Variants in NOP9 observed in about 807,000 individuals in gnomAD.
NOP9 encodes NOP9 nucleolar protein.
A neutral mutation model predicts 63.0 loss-of-function variants in NOP9; 50 were observed. The observed-to-expected ratio is 0.79, with a 90% CI of 0.63 to 1.00. The LOEUF (loss-of-function observed/expected upper bound fraction) is 1.00, where lower values mean the gene tolerates loss of function less well. Ranked by LOEUF, NOP9 falls within the 50% of genes least tolerant of loss-of-function variation. NOP9 has a pLI of 0.00. For synonymous variants in NOP9, 343 were observed against 332.8 expected, an observed-to-expected ratio of 1.03 and a Z score of -0.33; for missense variants, 758 against 803.0, an observed-to-expected ratio of 0.94 and a Z score of 0.68.
chr14:24,304,580 G>C lies in NOP9; in HGVS notation c.1735G>C (p.Glu579Gln). The change falls in exon 9 of 10, where the codon GAA becomes CAA. Residue 579 changes from glutamate (E) to glutamine (Q), a missense_variant. By Grantham distance (29) the Glu-to-Gln change is conservative. Coordinates refer to ENST00000267425, the MANE Select transcript of NOP9 (RefSeq NM_174913.3). ...WSGAALRARK[E>Q]IAAELGEQNQ... ...TGGAGCAGCCTTGAGGGCCCGGAAGGAAATTGCTGCTGAGCTTGGTGAGTA... is the reference window on the plus strand; with the variant it reads ...TGGAGCAGCCTTGAGGGCCCGGAAGCAAATTGCTGCTGAGCTTGGTGAGTA... 1.9e-6 allele frequency: 3 copies of C among 1,611,398 alleles called. No homozygotes were observed. The highest frequency in any genetic ancestry group is 2.5e-6 in the Non-Finnish European group (3 of 1,179,082).
chr14:24,291,126 C>T, the NOP9 span: 7 of 1,614,078 alleles, frequency 4.3e-6, no homozygotes, highest in Non-Finnish European at 5.9e-6. Flanking sequence ...GACTGCTGTG[C>T]CAGGGTCCTC....
chr14:24,295,506 CAG>C (rs1427028400), upstream of NOP9, among the ~76,000 whole-genome samples: 6 of 152,258 alleles, frequency 3.9e-5, no homozygotes, highest in East Asian at 9.6e-4. Context: ...GGGGGGCTGT[CAG>C]GGGCTCATCA....
upstream of NOP9, chr14:24,299,575 G>A (rs1421525286): frequency 8.1e-6 from 2 of 245,936 alleles, no homozygotes; most frequent in Non-Finnish European, 1.6e-5. Context: ...AGCGTGCGCC[G>A]CTTACCTGCC....
At position 24,307,806 on chromosome 14, in the gene NOP9, G is replaced by T. The variant is rs768905516; in HGVS notation, c.*2711G>T. 7.0e-5 allele frequency: 112 copies of T among 1,591,386 alleles called. No individual in the cohort carries two copies. Among genetic ancestry groups the T allele is most frequent in the Non-Finnish European group, 9.5e-5 (111 of 1,168,248 alleles). The stretch of plus-strand genomic sequence containing the variant: ...CTAAAGGTGGAGGGTAGAGCGGAGG[G>T]TTAGCAGTCACCTGAGTAAGTCACT... On this transcript the variant is annotated 3_prime_UTR_variant, in exon 10 of 10. Coordinates refer to ENST00000267425, the MANE Select transcript of NOP9 (RefSeq NM_174913.3).
chr14:24,282,299 G>A, the NOP9 span, among the ~76,000 whole-genome samples: 23 of 152,312 alleles, frequency 1.5e-4, no homozygotes, highest in East Asian at 3.9e-3. Context: ...CCAGACTCTC[G>A]CTGTAAAGCC....
chr14:24,271,323 A>G, the NOP9 span: 1 of 516,278 alleles, frequency 1.9e-6, no homozygotes, highest in Non-Finnish European at 3.2e-6. Flanking sequence ...GAGCACCCGG[A>G]CTAGGACTTC....
In NOP9 at chr14:24,303,111, A is replaced by T; in HGVS notation, c.1181A>T (p.Glu394Val). The change falls in exon 6 of 10, where the codon GAA becomes GTA. Residue 394 changes from glutamate (E) to valine (V), a missense_variant. Physicochemically the swap from Glu to Val is moderately radical, Grantham distance 121 (BLOSUM62 -2). Coordinates refer to ENST00000267425, the MANE Select transcript of NOP9 (RefSeq NM_174913.3). ...PVFEELSPVLEAVLAQGHPGV... is the reference protein window; with the variant it reads ...PVFEELSPVLVAVLAQGHPGV... ...TTTGAGGAGCTGAGCCCTGTCTTGG[A>T]AGCTGTATTGGCCCAGGGCCACCCA... The T allele has an allele frequency of 6.3e-7, 1 of 1,593,398 alleles. No individual in the cohort carries two copies. The highest frequency in any genetic ancestry group is 8.5e-7 in the Non-Finnish European group (1 of 1,171,736).
upstream of NOP9, among the ~76,000 whole-genome samples, chr14:24,297,441 G>A (rs1566405706): frequency 6.6e-6 from 1 of 152,210 alleles, no homozygotes; most frequent in Admixed American, 6.5e-5. Context: ...AGAGGAAGAA[G>A]AGTCCTTTAT....
At chr14:24,299,564 G>A (rs886588070), upstream of NOP9, 1 of 234,768 alleles carries the variant, frequency 4.3e-6, no homozygotes, top group East Asian at 9.0e-5. Context: ...TAAGTGGGAC[G>A]AGCGTGCGCC....
At chr14:24,288,952 C>T in the NOP9 span, among the ~76,000 whole-genome samples, 1 of 151,610 alleles carries the variant, frequency 6.6e-6, no homozygotes, top group Non-Finnish European at 1.5e-5. Context: ...TAGGTGGGAC[C>T]ACAGGTGCAT....
chr14:24,292,707 G>A, the NOP9 span: 97 of 1,614,114 alleles, frequency 6.0e-5, no homozygotes, highest in South Asian at 8.9e-4. Context: ...GCTTCCTGGG[G>A]AGGAGATGAC....
chr14:24,276,919 A>G, the NOP9 span, among the ~76,000 whole-genome samples: 1 of 152,180 alleles, frequency 6.6e-6, no homozygotes, highest in Admixed American at 6.5e-5. Flanking sequence ...GGTATGGGTA[A>G]AAGGTTTAGT....
Position 24,299,925 on chromosome 14 carries a change from T to C in NOP9, c.-30T>C, listed in dbSNP as rs909580508. The C allele has an allele frequency of 6.6e-7, 1 of 1,513,692 alleles. No individual in the cohort carries two copies. Among genetic ancestry groups the C allele is most frequent in the Non-Finnish European group, 8.8e-7 (1 of 1,132,566 alleles). The allele number at this position is 1,513,692 out of a possible 1,614,324, so 93.8% of individuals were successfully genotyped here. A position where few individuals can be genotyped will look rare whatever the true frequency, so the allele number is the denominator to read the frequency against. The stretch of plus-strand genomic sequence containing the variant: ...AAGGTCCGTCCGCAGTTAAGGAAGC[T>C]TTTGCAGCCGGACAGGTCGCGAAGC... On this transcript the variant is annotated 5_prime_UTR_variant, in exon 1 of 10. Transcript: ENST00000267425.
At chr14:24,287,282 C>T in the NOP9 span, among the ~76,000 whole-genome samples, 33 of 152,302 alleles carry the variant, frequency 2.2e-4, no homozygotes, top group African/African-American at 7.9e-4. Flanking sequence ...TGGCAGTGTA[C>T]CCAGTGACTG....
chr14:24,299,138 A>G (rs369212415), upstream of NOP9: 4 of 1,600,106 alleles, frequency 2.5e-6, no homozygotes, highest in African/African-American at 4.0e-5. Context: ...GGTCTGTGGA[A>G]GCAAAGACTT....
chr14:24,299,605 T>C (rs2041327886), upstream of NOP9: 1 of 276,552 alleles, frequency 3.6e-6, no homozygotes, highest in Non-Finnish European at 6.8e-6. Flanking sequence ...GCCGCTGAGG[T>C]CTGCAGATTG....
upstream of NOP9, chr14:24,296,458 G>C (rs779719370): frequency 6.3e-7 from 1 of 1,581,472 alleles, no homozygotes; most frequent in Admixed American, 1.7e-5. Context: ...CCTGGCCGTC[G>C]AGTTGGCTAA....
upstream of NOP9, chr14:24,298,734 C>A (rs1185150096): frequency 7.6e-6 from 4 of 526,396 alleles, no homozygotes; most frequent in Admixed American, 7.3e-5. Context: ...AACGTGCCAC[C>A]ATGCCTGGCT....
At chr14:24,271,265 A>C in the NOP9 span, 1 of 1,000,852 alleles carries the variant, frequency 1.0e-6, no homozygotes. Flanking sequence ...AGAGACCCCC[A>C]GAGTGTAAAG....
Sources: gnomAD v4.1 joint callset for allele counts (sites outside exome capture counted in the v4.1 genomes callset) on GRCh38, gnomAD v4.1.1 for gene constraint, MANE v1.5 for transcripts, NCBI Gene and HGNC (gene_info 2026-07-23, HGNC 2026-07-21) for gene names.